Variants in ACLY observed in about 807,000 individuals in gnomAD.
ACLY encodes the protein ATP-citrate synthase.
A neutral mutation model predicts 133.0 loss-of-function variants in ACLY; 41 were observed. The observed-to-expected ratio is 0.31, with a 90% CI of 0.24 to 0.40. The LOEUF (loss-of-function observed/expected upper bound fraction) is 0.40. Among genes scored for constraint, ACLY ranks in the 10% least tolerant of loss-of-function variants. ACLY has a pLI of 1.00. For synonymous variants in ACLY, 495 were observed against 549.3 expected (o/e 0.90, Z 1.38); for missense variants, 1,046 against 1,453.8 (o/e 0.72, Z 4.56).
chr17:41,902,982 T>C (rs1838840763), intron 10 of ACLY, among the ~76,000 whole-genome samples: 1 of 152,030 alleles, frequency 6.6e-6, no homozygotes, highest in Admixed American at 6.6e-5. Context: ...AGAGATGAGA[T>C]CTCATTATGT....
chr17:41,907,790 T>C (rs1189900833), intron 6 of ACLY, among the ~76,000 whole-genome samples: 1 of 152,188 alleles, frequency 6.6e-6, no homozygotes, highest in African/African-American at 2.4e-5. Context: ...CCCTGACCTA[T>C]AGGCAATGGG....
chr17:41,897,384 T>A (rs1375497562), intron 13 of ACLY, among the ~76,000 whole-genome samples: 1 of 151,818 alleles, frequency 6.6e-6, no homozygotes, highest in Non-Finnish European at 1.5e-5. Flanking sequence ...CGTCCTGGGG[T>A]CCCGGTGTCT....
chr17:41,909,506 C>T lies in ACLY; in HGVS notation c.536+4G>A. The stretch of plus-strand genomic sequence containing the variant: ...CCACCTCCCTACCGTCCCTCTCACT[C>T]AACTCTTTCTTGTCTTCAGGGGCGT... On this transcript the variant is annotated splice_donor_region_variant and intron_variant, in intron 5 of 28. Transcript: ENST00000352035. 1.2e-6 allele frequency: 2 copies of T among 1,613,446 alleles called. No individual in the cohort carries two copies.
chr17:41,890,317 G>A (rs1459882209), intron 16 of ACLY, among the ~76,000 whole-genome samples: 1 of 151,320 alleles, frequency 6.6e-6, no homozygotes, highest in Non-Finnish European at 1.5e-5. Context: ...TAATAAATAT[G>A]TAATATTTTT....
chr17:41,921,730 T>C (rs2050186118), upstream of ACLY, among the ~76,000 whole-genome samples: 1 of 149,940 alleles, frequency 6.7e-6, no homozygotes, highest in African/African-American at 2.5e-5. Flanking sequence ...AGCACTTTGG[T>C]AGGCCAAGGT....
intron 19 of ACLY, among the ~76,000 whole-genome samples, chr17:41,883,534 C>T (rs1223031916): frequency 6.7e-6 from 1 of 149,978 alleles, no homozygotes; most frequent in Non-Finnish European, 1.5e-5. Context: ...TTTTTTTAAC[C>T]GTTCTATCCA....
chr17:41,898,871 G>C, intron 11 of ACLY, 86 bp from the exon 12 acceptor site: 2 of 1,359,366 alleles, frequency 1.5e-6, no homozygotes, highest in Non-Finnish European at 2.0e-6. Flanking sequence ...GCCTTTTACA[G>C]CCATGATCAG....
intron 10 of ACLY, among the ~76,000 whole-genome samples, chr17:41,903,737 C>T (rs1555632054): frequency 1.9e-5 from 2 of 105,588 alleles, no homozygotes; most frequent in Non-Finnish European, 3.4e-5. Flanking sequence ...GCCTGGGCAA[C>T]AGAGCGAGAC....
In ACLY at chr17:41,901,828, T is replaced by C. The variant is rs1294730645; in HGVS notation, c.1066-15A>G. 1 of 1,541,034 alleles carries C rather than the reference T, an allele frequency of 6.5e-7. No homozygotes were observed. The highest frequency in any genetic ancestry group is 1.4e-5 in the African/African-American group (1 of 72,322). ...CTCACGATGCCCTGGAAGCCCAAAG[T>C]GACATGTGACTAAAAACAAGGCAGC... is the stretch of plus-strand genomic sequence containing the variant. On this transcript the variant is annotated splice_polypyrimidine_tract_variant and intron_variant, in intron 10 of 28. Coordinates refer to ENST00000352035, the MANE Select transcript of ACLY (RefSeq NM_001096.3).
At chr17:41,869,721 C>T in intron 25 of ACLY, 134 bp from the exon 26 acceptor site, 1 of 645,446 alleles carries the variant, frequency 1.5e-6, no homozygotes, top group East Asian at 2.7e-5. Context: ...GTGTACCATT[C>T]CATGTGGCAC....
At chr17:41,928,852 TA>T (rs11428338) in intron 1 of ACLY, among the ~76,000 whole-genome samples, 429 of 119,780 alleles carry the variant, frequency 3.6e-3, no homozygotes, top group African/African-American at 0.011. Flanking sequence ...GACTCCACCA[TA>T]AAAAAAAAAA....
At chr17:41,868,969 A>G in intron 27 of ACLY, 74 bp downstream of exon 27, 8 of 1,428,118 alleles carry the variant, frequency 5.6e-6, no homozygotes, top group South Asian at 1.2e-5. Context: ...ATGAGTATGC[A>G]TTACTTTTAT....
In ACLY at chr17:41,878,457, G is replaced by A. The variant is rs113958324; in HGVS notation, c.2394-261C>T. Among the ~76,000 whole-genome samples the A allele has an allele frequency of 2.6e-3, 389 of 152,158 alleles. 2 individuals carry two copies. Among genetic ancestry groups the A allele is most frequent in the African/African-American group, 8.6e-3 (355 of 41,498 alleles). ...CAGGCAGGTTTAAGAGGTAGAAATG[G>A]GAAGAGATCACAGGATATCTAATAA... On this transcript the variant is annotated intron_variant, in intron 21 of 28. Coordinates refer to ENST00000352035, the MANE Select transcript of ACLY (RefSeq NM_001096.3).
chr17:41,882,686 C>A (rs1444481488), intron 20 of ACLY, among the ~76,000 whole-genome samples: 2 of 152,132 alleles, frequency 1.3e-5, no homozygotes, highest in African/African-American at 4.8e-5. Flanking sequence ...ACATCAAGAA[C>A]AAACCTTTCC....
chr17:41,896,530 A>C, intron 14 of ACLY, 90 bp downstream of exon 14: 7 of 1,244,476 alleles, frequency 5.6e-6, no homozygotes, highest in Non-Finnish European at 7.8e-6. Context: ...ACTGCAACCC[A>C]CCAGGGGAGG....
intron 3 of ACLY, 65 bp from the exon 4 acceptor site, chr17:41,910,349 A>C (rs782195859): frequency 3.4e-6 from 5 of 1,460,076 alleles, no homozygotes; most frequent in Non-Finnish European, 4.8e-6. Context: ...GGGCAGAAGG[A>C]GGGACTGCAC....
At chr17:41,896,693 G>A in intron 13 of ACLY, 44 bp from the exon 14 acceptor site, 2 of 1,534,868 alleles carry the variant, frequency 1.3e-6, no homozygotes, top group East Asian at 2.4e-5. Flanking sequence ...CCCACTGATG[G>A]CTGGAGGCTT....
At chr17:41,916,872 C>T (rs1432639418) in intron 1 of ACLY, among the ~76,000 whole-genome samples, 1 of 151,818 alleles carries the variant, frequency 6.6e-6, no homozygotes, top group Non-Finnish European at 1.5e-5. Context: ...CGGCCAGGCA[C>T]GGTGGCTTGC....
chr17:41,909,118 G>A (rs375424636), intron 5 of ACLY, 50 bp from the exon 6 acceptor site: 44 of 1,451,228 alleles, frequency 3.0e-5, no homozygotes, highest in African/African-American at 1.4e-4. Flanking sequence ...GGAGCAGCTC[G>A]GCAGCACCCC....
Sources: allele counts gnomAD v4.1 joint callset (sites outside exome capture counted in the v4.1 genomes callset), GRCh38; gene constraint gnomAD v4.1.1; transcripts MANE v1.5; gene names NCBI Gene and HGNC (gene_info 2026-07-23, HGNC 2026-07-21).